DOCK2: variants seen among roughly 807,000 people sequenced by gnomAD.
DOCK2 encodes the protein dedicator of cytokinesis protein 2.
A neutral mutation model predicts 248.9 loss-of-function variants in DOCK2; 87 were observed. The observed-to-expected ratio is 0.35, with a 90% CI of 0.29 to 0.42. The LOEUF (loss-of-function observed/expected upper bound fraction) is 0.42. Among genes scored for constraint, DOCK2 ranks in the 10% least tolerant of loss-of-function variants. The pLI is 1.00. For synonymous variants in DOCK2, 805 were observed against 821.6 expected, an observed-to-expected ratio of 0.98 and a Z score of 0.35; for missense variants, 1,747 against 2,300.2, an observed-to-expected ratio of 0.76 and a Z score of 4.92.
At chr5:169,784,103 T>A (rs1765857803) in intron 25 of DOCK2, among the ~76,000 whole-genome samples, 1 of 146,770 alleles carries the variant, frequency 6.8e-6, no homozygotes, top group African/African-American at 2.5e-5. Context: ...CTGTTGTGCG[T>A]GGATTGTGGT....
intron 27 of DOCK2, among the ~76,000 whole-genome samples, chr5:169,851,007 G>A (rs1770594852): frequency 6.6e-6 from 1 of 152,176 alleles, no homozygotes; most frequent in Non-Finnish European, 1.5e-5. Flanking sequence ...ATTACCACAT[G>A]TATTGGAATT....
intron 22 of DOCK2, among the ~76,000 whole-genome samples, chr5:169,735,895 G>A (rs1763011035): frequency 6.6e-6 from 1 of 151,714 alleles, no homozygotes; most frequent in African/African-American, 2.4e-5. Flanking sequence ...TTACAAACAT[G>A]GCAGAAGGTG....
chr5:170,021,251 T>A (rs932043900), intron 33 of DOCK2, among the ~76,000 whole-genome samples: 1 of 152,176 alleles, frequency 6.6e-6, no homozygotes, highest in Non-Finnish European at 1.5e-5. Context: ...TGAAGGCAGC[T>A]TGGAATTTGC....
chr5:170,000,678 A>G (rs1754800494), intron 30 of DOCK2, among the ~76,000 whole-genome samples: 1 of 151,864 alleles, frequency 6.6e-6, no homozygotes, highest in Admixed American at 6.6e-5. Context: ...GGCTCCAGAA[A>G]GACTCTGTGT....
chr5:170,026,020 G>A (rs927793060), intron 33 of DOCK2, among the ~76,000 whole-genome samples: 2 of 151,722 alleles, frequency 1.3e-5, no homozygotes, highest in Non-Finnish European at 2.9e-5. Context: ...TTCCAGGCCC[G>A]GTATATCTCC....
chr5:169,650,504 A>G (rs896090786), intron 1 of DOCK2, among the ~76,000 whole-genome samples: 1 of 152,188 alleles, frequency 6.6e-6, no homozygotes, highest in Non-Finnish European at 1.5e-5. Flanking sequence ...TGCTAGAACA[A>G]TGGTGTTTAC....
At chr5:169,713,995 TG>T in intron 17 of DOCK2, 32 bp from the exon 18 acceptor site, 1 of 1,556,730 alleles carries the variant, frequency 6.4e-7, no homozygotes, top group South Asian at 1.2e-5. Context: ...CATGGAGCCT[TG>T]GCTTGGGGCA....
At chr5:169,989,297 T>A (rs1778150693) in intron 29 of DOCK2, among the ~76,000 whole-genome samples, 1 of 152,232 alleles carries the variant, frequency 6.6e-6, no homozygotes, top group Non-Finnish European at 1.5e-5. Context: ...ATGTTGTTAA[T>A]TTTTAAATGA....
intron 27 of DOCK2, among the ~76,000 whole-genome samples, chr5:169,928,682 G>A (rs143727981): frequency 6.6e-5 from 10 of 152,262 alleles, no homozygotes; most frequent in South Asian, 2.1e-4. Context: ...CTGTTGAAGC[G>A]TAAAGCATTA....
chr5:169,676,354 T>C (rs1450347269), intron 6 of DOCK2, among the ~76,000 whole-genome samples: 1 of 152,048 alleles, frequency 6.6e-6, no homozygotes, highest in Non-Finnish European at 1.5e-5. Flanking sequence ...ACTGAGTGAG[T>C]GGGCGAATGG....
At chr5:169,713,244 A>AT (rs1761686058) in intron 17 of DOCK2, among the ~76,000 whole-genome samples, 1 of 152,150 alleles carries the variant, frequency 6.6e-6, no homozygotes, top group African/African-American at 2.4e-5. Context: ...GTTGCAGTCA[A>AT]TTTTCTTTTA....
intron 27 of DOCK2, among the ~76,000 whole-genome samples, chr5:169,867,170 C>A (rs951496930): frequency 6.6e-6 from 1 of 152,192 alleles, no homozygotes; most frequent in Non-Finnish European, 1.5e-5. Flanking sequence ...GGCTTCAGCC[C>A]CTGTGTAGCA....
intron 27 of DOCK2, among the ~76,000 whole-genome samples, chr5:169,950,014 G>A (rs564937108): frequency 5.9e-5 from 9 of 152,270 alleles, no homozygotes; most frequent in East Asian, 3.9e-4. Flanking sequence ...AGGGTTCTGC[G>A]TTTGAGGGGA....
intron 29 of DOCK2, among the ~76,000 whole-genome samples, chr5:169,995,035 T>TA (rs200733616): frequency 6.3e-4 from 89 of 140,488 alleles, no homozygotes; most frequent in Non-Finnish European, 1.0e-3. Context: ...TTTTATTTTT[T>TA]TTTTTTTTTT....
chr5:170,041,629 A>G (rs1756522299), intron 37 of DOCK2, among the ~76,000 whole-genome samples: 1 of 152,244 alleles, frequency 6.6e-6, no homozygotes, highest in African/African-American at 2.4e-5. Flanking sequence ...TGGAAATTGC[A>G]GCCCAGCATC....
chr5:169,758,501 A>T (rs909591362), intron 23 of DOCK2, among the ~76,000 whole-genome samples: 10 of 152,252 alleles, frequency 6.6e-5, no homozygotes, highest in Admixed American at 3.9e-4. Context: ...AAACAAGATT[A>T]AAAAAGGGAT....
In DOCK2 at chr5:169,996,294, G is replaced by C. The variant is rs879015727; in HGVS notation, c.3072+130G>C. 50 of 908,258 alleles carry C rather than the reference G, an allele frequency of 5.5e-5. No homozygotes were observed. In the African/African-American group the frequency reaches 5.9e-4, roughly 11 times the overall value. The allele number at this position is 908,258 out of a possible 1,614,324, so 56.3% of individuals were successfully genotyped here. On this transcript the variant is annotated intron_variant, in intron 30 of 51. Coordinates refer to ENST00000520908, the MANE Select transcript of DOCK2 (RefSeq NM_004946.3). ...CCAGTCTCTCCAGGGATTCCCACGG[G>C]GGGTTATGGCTGGGGAGAAAATTCT...
intron 25 of DOCK2, among the ~76,000 whole-genome samples, chr5:169,800,678 A>G (rs261592): frequency 0.85 from 130,067 of 152,196 alleles, 55,710 homozygotes; most frequent in East Asian, 0.98. Flanking sequence ...GACTCTGTAA[A>G]TTGGGACTCT....
At chr5:169,848,987 C>T (rs986555746) in intron 27 of DOCK2, among the ~76,000 whole-genome samples, 1 of 152,042 alleles carries the variant, frequency 6.6e-6, no homozygotes, top group African/African-American at 2.4e-5. Context: ...CTGAGCCAGA[C>T]CATGAGCCCA....
Sources: gnomAD v4.1 joint callset for allele counts (sites outside exome capture counted in the v4.1 genomes callset) on GRCh38, gnomAD v4.1.1 for gene constraint, MANE v1.5 for transcripts, NCBI Gene and HGNC (gene_info 2026-07-23, HGNC 2026-07-21) for gene names.